The following ANKS1A variants were observed in gnomAD, a reference collection of about 807,000 sequenced individuals.
ANKS1A encodes the protein ankyrin repeat and SAM domain-containing protein 1A.
A neutral mutation model predicts 120.3 loss-of-function variants in ANKS1A; 55 were observed. The ratio of observed to expected loss-of-function variants is 0.46; its 90% CI spans 0.37 to 0.57. ANKS1A has a LOEUF of 0.57. ANKS1A is among the 20% of genes least tolerant of loss of function. The pLI, the probability that ANKS1A is intolerant of heterozygous loss-of-function variation, is 0.00. For synonymous variants in ANKS1A, 590 were observed against 604.7 expected (o/e 0.98, Z 0.36); for missense variants, 1,123 against 1,480.3 (o/e 0.76, Z 3.96).
At chr6:34,988,752 A>G (rs1363245324) in intron 8 of ANKS1A, among the ~76,000 whole-genome samples, 2 of 152,204 alleles carry the variant, frequency 1.3e-5, no homozygotes. Context: ...ACAGGAATTA[A>G]CATTTTTGTC....
intron 1 of ANKS1A, among the ~76,000 whole-genome samples, chr6:34,962,829 C>T (rs549573040): frequency 1.3e-5 from 2 of 151,596 alleles, no homozygotes; most frequent in Admixed American, 6.6e-5. Flanking sequence ...AAAACACCAG[C>T]GCACTTAGTG....
chr6:34,919,296 G>A (rs1043581628), intron 1 of ANKS1A, among the ~76,000 whole-genome samples: 5 of 152,174 alleles, frequency 3.3e-5, no homozygotes, highest in African/African-American at 1.2e-4. Context: ...ATTAAATACT[G>A]ACCTGGAGCA....
At position 34,909,350 on chromosome 6, in the gene ANKS1A, G is replaced by T. The variant is rs139361217; in HGVS notation, c.197+19751G>T. Among the ~76,000 whole-genome samples the T allele has an allele frequency of 2.8e-3, 424 of 152,074 alleles. 6 individuals are homozygous for T. Among genetic ancestry groups the T allele is most frequent in the African/African-American group, 9.4e-3 (389 of 41,470 alleles). On this transcript the variant is annotated intron_variant, in intron 1 of 23. Coordinates refer to ENST00000360359, the MANE Select transcript of ANKS1A (RefSeq NM_015245.3). ...CCAAAGTCAGTGTTTTTTCCATTGC[G>T]CCATGCTCTATGTCTTCAACTGACA... is the stretch of plus-strand genomic sequence containing the variant.
At chr6:34,926,883 C>G (rs1432315874) in intron 1 of ANKS1A, among the ~76,000 whole-genome samples, 1 of 152,102 alleles carries the variant, frequency 6.6e-6, no homozygotes, top group South Asian at 2.1e-4. Flanking sequence ...GATGCTGGTA[C>G]TGAGTCACTT....
intron 13 of ANKS1A, among the ~76,000 whole-genome samples, chr6:35,063,662 T>C (rs1776626463): frequency 6.6e-6 from 1 of 152,236 alleles, no homozygotes; most frequent in African/African-American, 2.4e-5. Context: ...TCAGGAGGAC[T>C]CCGGGGGCTT....
intron 3 of ANKS1A, among the ~76,000 whole-genome samples, chr6:34,978,468 A>G (rs1319593091): frequency 3.9e-5 from 6 of 152,220 alleles, no homozygotes; most frequent in African/African-American, 1.4e-4. Flanking sequence ...GCTCCTTAGA[A>G]TCCTTTCTTT....
chr6:35,039,088 GT>G (rs1291579330), intron 11 of ANKS1A, among the ~76,000 whole-genome samples: 15 of 28,846 alleles, frequency 5.2e-4, no homozygotes, highest in Non-Finnish European at 1.1e-3. Flanking sequence ...GTGTGTGTGT[GT>G]GTGGGGGGGG....
chr6:34,921,404 A>C, intron 1 of ANKS1A, among the ~76,000 whole-genome samples: 1 of 152,224 alleles, frequency 6.6e-6, no homozygotes. Flanking sequence ...GAAAGCCTTT[A>C]GATTAGTAGG....
At chr6:35,042,832 T>C (rs1775535517) in intron 11 of ANKS1A, among the ~76,000 whole-genome samples, 1 of 152,230 alleles carries the variant, frequency 6.6e-6, no homozygotes, top group Admixed American at 6.5e-5. Flanking sequence ...TTATCTTCCA[T>C]GTATCTTTCC....
At position 34,982,034 on chromosome 6, in the gene ANKS1A, T is replaced by G; in HGVS notation, c.732+48T>G. On this transcript the variant is annotated intron_variant, in intron 4 of 23. Transcript: ENST00000360359. The surrounding 1 kb of genome is among the most constrained non-coding windows in gnomAD (Gnocchi z 4.9). ...CTCCAATCTCAAGAGACTCAGTCAT[T>G]TTGCAGAAGGCACAAGGACCATGCT... 6.3e-7 allele frequency: 1 copy of G among 1,598,076 alleles called. No individual in the cohort carries two copies. Among genetic ancestry groups the G allele is most frequent in the African/African-American group, 1.3e-5 (1 of 74,636 alleles).
At chr6:34,940,059 A>G (rs1309382739) in intron 1 of ANKS1A, among the ~76,000 whole-genome samples, 4 of 152,184 alleles carry the variant, frequency 2.6e-5, no homozygotes, top group African/African-American at 9.7e-5. Flanking sequence ...TTTCTCAGAG[A>G]CTGTTCACTT....
At chr6:35,061,169 G>A (rs1233423467) in intron 13 of ANKS1A, among the ~76,000 whole-genome samples, 1 of 152,236 alleles carries the variant, frequency 6.6e-6, no homozygotes, top group African/African-American at 2.4e-5. Context: ...AGGAAATGAG[G>A]TAGGTCCCTT....
At chr6:34,997,728 A>G (rs1179402852) in intron 10 of ANKS1A, among the ~76,000 whole-genome samples, 2 of 152,222 alleles carry the variant, frequency 1.3e-5, no homozygotes, top group Non-Finnish European at 2.9e-5. Flanking sequence ...TGGAACCACT[A>G]CAAGATAATT....
At chr6:35,052,423 C>T (rs374551567) in intron 11 of ANKS1A, among the ~76,000 whole-genome samples, 15 of 151,530 alleles carry the variant, frequency 9.9e-5, no homozygotes, top group Non-Finnish European at 1.6e-4. Context: ...TGCACTCCAG[C>T]CTGGGCAACA....
intron 1 of ANKS1A, among the ~76,000 whole-genome samples, chr6:34,894,167 C>T (rs1184741092): frequency 6.6e-6 from 1 of 152,144 alleles, no homozygotes; most frequent in Non-Finnish European, 1.5e-5. Flanking sequence ...TCTTAACTTA[C>T]AGTATTTTTT....
rs13218101 is a variant in ANKS1A at position 34,889,879 on chromosome 6, T to C, written c.197+280T>C. On this transcript the variant is annotated intron_variant, in intron 1 of 23. Transcript: ENST00000360359. This position sits in a 1 kb window ranked among gnomAD's most constrained non-coding sequence, Gnocchi z 5.5. ...GCCGCATGGCACAGCCAGGGTTCAC[T>C]CTCGCTCGCTACAGGGTGCCAGCTA... Among the ~76,000 whole-genome samples the C allele has an allele frequency of 0.16, 24,394 of 152,050 alleles. 2,593 individuals are homozygous for C. Among genetic ancestry groups the C allele is most frequent in the East Asian group, 0.57 (2,925 of 5,124 alleles).
At chr6:35,059,308 GCCCGGCGGAATGCGATGCTGCCGT>G (rs1482744097) in intron 12 of ANKS1A, among the ~76,000 whole-genome samples, 1 of 152,252 alleles carries the variant, frequency 6.6e-6, no homozygotes, top group Non-Finnish European at 1.5e-5. Flanking sequence ...TGGCCGCGCA[GCCCGGCGGAATGCGATGCTGCCGT>G]CCCAGCAGAG....
Position 35,086,199 on chromosome 6 carries a change from G to C in ANKS1A, c.3303+263G>C, listed in dbSNP as rs1777967205. On this transcript the variant is annotated intron_variant, in intron 22 of 23. Coordinates refer to ENST00000360359, the MANE Select transcript of ANKS1A (RefSeq NM_015245.3). The surrounding 1 kb of genome is among the most constrained non-coding windows in gnomAD (Gnocchi z 5.1). ...GGCAAGGCCGTCAAGGGGCTGCAGA[G>C]AGCGGCCTGCAGGCAGCCCCCAGTA... The C allele has an allele frequency of 7.6e-7, 1 of 1,311,662 alleles. No individual in the cohort carries two copies. Among genetic ancestry groups the C allele is most frequent in the Non-Finnish European group, 1.0e-6 (1 of 970,132 alleles). 81.3% of individuals were successfully genotyped at this position (1,311,662 alleles called of 1,614,324 possible).
At chr6:35,020,486 A>G (rs1371429363) in intron 11 of ANKS1A, among the ~76,000 whole-genome samples, 3 of 152,190 alleles carry the variant, frequency 2.0e-5, no homozygotes, top group African/African-American at 7.2e-5. Flanking sequence ...TATGCTATCA[A>G]GGCAGTATCT....
Sources: gnomAD v4.1 joint callset for allele counts (sites outside exome capture counted in the v4.1 genomes callset) on GRCh38, gnomAD v4.1.1 for gene constraint, Gnocchi (gnomAD v3.1) non-coding constraint, MANE v1.5 for transcripts, NCBI Gene and HGNC (gene_info 2026-07-23, HGNC 2026-07-21) for gene names.